The following ZNF106 variants were observed in gnomAD, a reference collection of about 807,000 sequenced individuals.
The protein encoded by ZNF106 is SH3-domain binding protein 3.
In ZNF106, 67 loss-of-function variants were observed where a neutral mutation model predicts 195.1. The ratio of observed to expected loss-of-function variants is 0.34; its 90% CI spans 0.28 to 0.42. The LOEUF (loss-of-function observed/expected upper bound fraction) is 0.42. ZNF106 is among the 10% of genes least tolerant of loss of function. The probability of loss-of-function intolerance (pLI) is 1.00; values close to 1 mark genes in which losing one functional copy is unlikely to be tolerated. For missense variants in ZNF106, 2,118 were observed against 2,304.5 expected (o/e 0.92, Z 1.66); for synonymous variants, 784 against 818.6 (o/e 0.96, Z 0.72).
chr15:42,487,806 C>T (rs1191506404), intron 1 of ZNF106, among the ~76,000 whole-genome samples: 1 of 152,166 alleles, frequency 6.6e-6, no homozygotes, highest in African/African-American at 2.4e-5. Flanking sequence ...CCTCCCTCAA[C>T]CCCTAGCAAC....
intron 15 of ZNF106, among the ~76,000 whole-genome samples, chr15:42,427,326 G>A (rs1343414996): frequency 6.6e-6 from 1 of 152,180 alleles, no homozygotes; most frequent in Non-Finnish European, 1.5e-5. Context: ...CCTGTAAGAT[G>A]AAGTCCAACT....
chr15:42,424,473 A>C (rs1175728676), intron 16 of ZNF106: 1 of 267,658 alleles, frequency 3.7e-6, no homozygotes, highest in East Asian at 7.9e-5. Context: ...ATGCCATTTA[A>C]AACCCTTCTT....
intron 5 of ZNF106, 52 bp downstream of exon 5, chr15:42,449,719 G>C: frequency 1.3e-6 from 2 of 1,550,568 alleles, no homozygotes; most frequent in South Asian, 1.3e-5. Flanking sequence ...GGGTCAAAGG[G>C]TTACTTTAAA....
At chr15:42,423,074 T>C (rs2054727883) in intron 17 of ZNF106, among the ~76,000 whole-genome samples, 1 of 151,860 alleles carries the variant, frequency 6.6e-6, no homozygotes, top group Non-Finnish European at 1.5e-5. Flanking sequence ...TTTTAAGAGA[T>C]GGGGTCTCAC....
In ZNF106 at chr15:42,424,458, G is replaced by A. The variant is rs1233809706; in HGVS notation, c.5190+376C>T. On this transcript the variant is annotated intron_variant, in intron 16 of 21. Transcript: ENST00000564754. ...TTCTAAATGATGCATGAGACAACAC[G>A]GGAAATGCCATTTAAAACCCTTCTT... The A allele has an allele frequency of 3.1e-5, 8 of 261,882 alleles. 1 individual carries two copies. The highest frequency in any genetic ancestry group is 8.1e-5 in the East Asian group (1 of 12,296). 16.2% of individuals were successfully genotyped at this position (261,882 alleles called of 1,614,324 possible).
intron 13 of ZNF106, 38 bp downstream of exon 13, chr15:42,437,194 C>T: frequency 6.3e-7 from 1 of 1,576,332 alleles, no homozygotes; most frequent in South Asian, 1.2e-5. Flanking sequence ...TTTCCAAAAC[C>T]TGCAACCAAA....
At chr15:42,418,070 A>C in intron 20 of ZNF106, 119 bp from the exon 21 acceptor site, 1 of 1,102,416 alleles carries the variant, frequency 9.1e-7, no homozygotes, top group Middle Eastern at 2.7e-4. Flanking sequence ...CCTTATTTCA[A>C]ATTTATTCTT....
At position 42,444,885 on chromosome 15, in the gene ZNF106, C is replaced by A. The variant is rs750348826; in HGVS notation, c.3302G>T (p.Arg1101Leu). ...QCMDNNLLQA[R>L]AALQTAYVEV... is the part of the protein sequence containing the mutation. ...CACATAAGCTGTCTGAAGGGCTGCA[C>A]GGGCTTGCAGAAGATTGTTATCCAT... Residue 1101 changes from arginine (R) to leucine (L), a missense_variant, in exon 8 of 22, where the codon CGT (arginine) becomes CTT (leucine). By Grantham distance (102) the Arg-to-Leu change is moderately radical. Coordinates refer to ENST00000564754, the MANE Select transcript of ZNF106 (RefSeq NM_001366845.3). The A allele has an allele frequency of 1.2e-6, 2 of 1,614,030 alleles. No individual in the cohort carries two copies. The highest frequency in any genetic ancestry group is 1.3e-5 in the African/African-American group (1 of 74,922).
intron 12 of ZNF106, among the ~76,000 whole-genome samples, chr15:42,437,914 A>G (rs974615363): frequency 7.9e-5 from 12 of 152,024 alleles, no homozygotes; most frequent in Non-Finnish European, 1.3e-4. Flanking sequence ...AAAAAAAAAA[A>G]AAAAAGAAAA....
At chr15:42,425,149 A>G in intron 15 of ZNF106, 124 bp from the exon 16 acceptor site, 1 of 887,228 alleles carries the variant, frequency 1.1e-6, no homozygotes, top group Non-Finnish European at 1.7e-6. Flanking sequence ...CCCACTCTGC[A>G]GCCTTAACTT....
intron 9 of ZNF106, among the ~76,000 whole-genome samples, chr15:42,443,940 C>T (rs991525138): frequency 9.2e-5 from 14 of 151,692 alleles, no homozygotes; most frequent in African/African-American, 2.9e-4. Context: ...ACCCTGTAAC[C>T]CTGTCTCTAC....
At chr15:42,461,078 A>G (rs777742475) in intron 3 of ZNF106, among the ~76,000 whole-genome samples, 1 of 152,080 alleles carries the variant, frequency 6.6e-6, no homozygotes, top group Admixed American at 6.5e-5. Context: ...TGGTTATACT[A>G]CCCTGTTCTT....
intron 1 of ZNF106, among the ~76,000 whole-genome samples, chr15:42,484,138 C>T (rs1271753925): frequency 6.6e-6 from 1 of 152,086 alleles, no homozygotes; most frequent in Non-Finnish European, 1.5e-5. Context: ...GTGTTCTGAT[C>T]AGCCAGCTTC....
chr15:42,458,702 C>T (rs1354125246), intron 3 of ZNF106, among the ~76,000 whole-genome samples: 1 of 149,222 alleles, frequency 6.7e-6, no homozygotes, highest in Non-Finnish European at 1.5e-5. Context: ...AGCCAGACTC[C>T]ATCTCAAAAA....
chr15:42,475,490 C>T (rs1014883364), intron 1 of ZNF106, among the ~76,000 whole-genome samples: 3 of 151,970 alleles, frequency 2.0e-5, no homozygotes, highest in East Asian at 3.9e-4. Flanking sequence ...GTAAGATTAT[C>T]GGGTAAAAAT....
At chr15:42,457,676 T>C (rs1383916770) in intron 3 of ZNF106, 2 of 406,628 alleles carry the variant, frequency 4.9e-6, no homozygotes, top group Admixed American at 5.6e-5. Context: ...CTGCCTGGAA[T>C]GTGAGGATTC....
chr15:42,425,124 A>G (rs2054808340), intron 15 of ZNF106, 99 bp from the exon 16 acceptor site: 2 of 1,224,214 alleles, frequency 1.6e-6, no homozygotes, highest in East Asian at 4.9e-5. Flanking sequence ...TGTCACCTGT[A>G]CTCAAATTTT....
chr15:42,451,029 G>T lies in ZNF106; in HGVS notation c.1243C>A (p.Pro415Thr), dbSNP rs761380967. 1.5e-5 allele frequency: 24 copies of T among 1,614,046 alleles called. No homozygotes were observed. In the South Asian group the frequency reaches 2.5e-4, roughly 17 times the overall value. ...GAATTACGTGTTTCATCAGTTTGGG[G>T]CTCCTGTATTCCTGTAGTTATCAAG... ...FSLITTGIQE[P>T]QTDETRNSPT... The change falls in exon 5 of 22, where the codon CCC (proline) becomes ACC (threonine). Residue 415 changes from proline (P) to threonine (T), a missense_variant. Transcript: ENST00000564754.
chr15:42,457,634 A>C, intron 3 of ZNF106: 3 of 717,534 alleles, frequency 4.2e-6, no homozygotes, highest in Non-Finnish European at 5.2e-6. Flanking sequence ...AGCCAATCCC[A>C]AGTCGGTAAC....
Sources: gnomAD v4.1 joint callset for allele counts (sites outside exome capture counted in the v4.1 genomes callset) on GRCh38, gnomAD v4.1.1 for gene constraint, MANE v1.5 for transcripts, NCBI Gene and HGNC (gene_info 2026-07-23, HGNC 2026-07-21) for gene names.